Variants in FNDC3A observed in about 807,000 individuals in gnomAD.
FNDC3A encodes the protein fibronectin type-III domain-containing protein 3A.
Under a neutral mutation model 148.9 loss-of-function variants are expected in FNDC3A, and 32 were observed. That is an observed-to-expected ratio of 0.21 (90% CI 0.16 to 0.29). The LOEUF is 0.29. FNDC3A is among the 10% of genes least tolerant of loss of function. The pLI is 1.00. For missense variants in FNDC3A, 1,191 were observed against 1,452.8 expected, an observed-to-expected ratio of 0.82 and a Z score of 2.93; for synonymous variants, 472 against 473.6, an observed-to-expected ratio of 1.00 and a Z score of 0.04.
At chr13:49,065,320 C>G (rs1877192189) in intron 2 of FNDC3A, among the ~76,000 whole-genome samples, 1 of 152,130 alleles carries the variant, frequency 6.6e-6, no homozygotes, top group Admixed American at 6.6e-5. Flanking sequence ...GGCCCAGTAT[C>G]TAAGTGCTTA....
intron 19 of FNDC3A, among the ~76,000 whole-genome samples, chr13:49,194,356 A>G (rs1886044778): frequency 6.6e-6 from 1 of 152,224 alleles, no homozygotes; most frequent in African/African-American, 2.4e-5. Flanking sequence ...ACTATCTGCC[A>G]TAGTTCATTG....
At chr13:49,186,897 A>T (rs1234844125) in intron 15 of FNDC3A, among the ~76,000 whole-genome samples, 5 of 152,144 alleles carry the variant, frequency 3.3e-5, no homozygotes, top group Non-Finnish European at 7.4e-5. Flanking sequence ...AGTAAATGGA[A>T]TATCATGCAG....
intron 2 of FNDC3A, among the ~76,000 whole-genome samples, chr13:49,009,500 T>C (rs1236772304): frequency 6.6e-6 from 1 of 152,202 alleles, no homozygotes; most frequent in Non-Finnish European, 1.5e-5. Context: ...TGCTAGATTG[T>C]GCGGTAGGGC....
At chr13:49,064,354 T>G (rs1288564923) in intron 2 of FNDC3A, among the ~76,000 whole-genome samples, 1 of 149,026 alleles carries the variant, frequency 6.7e-6, no homozygotes, top group African/African-American at 2.5e-5. Context: ...AAAAAAGTAG[T>G]CTGTGGAAAA....
rs779997361 is a variant in FNDC3A at position 49,207,390 on chromosome 13, A to T, written c.3592A>T (p.Lys1198Ter). Residue 1198 changes from lysine (K) to a stop codon, truncating the protein, a stop_gained, in exon 26 of 26, where the codon AAG (lysine) becomes TAG (stop). Transcript: ENST00000492622. LOFTEE classifies it high-confidence loss of function. ...CTTTATCATTCAGTACTTTGTAATC[A>T]AGTGAAAATATAACTTTATTTTTTA... ...IAFIIQYFVI[K>*] 2 of 1,550,730 alleles carry T rather than the reference A, an allele frequency of 1.3e-6. No individual in the cohort carries two copies. Among genetic ancestry groups the T allele is most frequent in the Non-Finnish European group, 1.8e-6 (2 of 1,131,932 alleles).
At chr13:49,001,317 T>C (rs1303777026) in intron 1 of FNDC3A, among the ~76,000 whole-genome samples, 1 of 152,184 alleles carries the variant, frequency 6.6e-6, no homozygotes, top group Admixed American at 6.5e-5. Context: ...CCATCATCTT[T>C]GTAAGCTGAG....
intron 2 of FNDC3A, among the ~76,000 whole-genome samples, chr13:49,032,377 G>A (rs906135079): frequency 1.3e-5 from 2 of 152,264 alleles, no homozygotes; most frequent in African/African-American, 4.8e-5. Flanking sequence ...CACTCCAAAT[G>A]TCCATCAACA....
intron 3 of FNDC3A, among the ~76,000 whole-genome samples, chr13:49,112,402 A>G (rs138197832): frequency 2.6e-4 from 40 of 152,340 alleles, no homozygotes; most frequent in African/African-American, 7.7e-4. Flanking sequence ...TATAGGAGCT[A>G]AAAGGTGAGT....
At chr13:49,105,395 G>A (rs998789197) in intron 3 of FNDC3A, among the ~76,000 whole-genome samples, 1 of 152,228 alleles carries the variant, frequency 6.6e-6, no homozygotes, top group Non-Finnish European at 1.5e-5. Flanking sequence ...AGAGATAGCA[G>A]CAGTGTTCTG....
chr13:49,072,909 C>T (rs750227528), intron 2 of FNDC3A, among the ~76,000 whole-genome samples: 3 of 152,164 alleles, frequency 2.0e-5, no homozygotes, highest in Non-Finnish European at 4.4e-5. Flanking sequence ...TGTCTGCAAA[C>T]AAGGATAATT....
At chr13:49,203,388 A>G (rs1886507876) in intron 25 of FNDC3A, 104 bp downstream of exon 25, 2 of 771,646 alleles carry the variant, frequency 2.6e-6, no homozygotes, top group South Asian at 1.8e-5. Context: ...TAATTCATAA[A>G]TATTTATTCA....
chr13:48,982,530 C>T (rs1951711894), intron 1 of FNDC3A, among the ~76,000 whole-genome samples: 1 of 152,090 alleles, frequency 6.6e-6, no homozygotes, highest in South Asian at 2.1e-4. Flanking sequence ...GACAGAGTAG[C>T]CTTTGGGTAA....
chr13:49,082,552 T>G (rs2137798502), intron 3 of FNDC3A, among the ~76,000 whole-genome samples: 1 of 152,244 alleles, frequency 6.6e-6, no homozygotes, highest in Middle Eastern at 3.4e-3. Context: ...ATATTGAGAC[T>G]CCTCCTGTCC....
At chr13:49,099,253 T>C (rs933768511) in intron 3 of FNDC3A, among the ~76,000 whole-genome samples, 2 of 152,186 alleles carry the variant, frequency 1.3e-5, no homozygotes, top group African/African-American at 4.8e-5. Flanking sequence ...CTCTAGTAAG[T>C]AGCTCATCTG....
At chr13:49,170,041 A>G (rs1445087518) in intron 10 of FNDC3A, among the ~76,000 whole-genome samples, 4 of 152,178 alleles carry the variant, frequency 2.6e-5, no homozygotes, top group African/African-American at 7.2e-5. Flanking sequence ...TAATTAAAAT[A>G]GAATTTTGAA....
chr13:49,197,831 TA>T lies in FNDC3A; in HGVS notation c.2451del (p.Gly818AspfsTer15). ...CYCGPGLSYE[I>X]KGLSPATTYY... ...TGTGGGCCTGGTCTCAGTTATGAAA[TA>T]AAAGGACTTTCACCAGCAACTACCT... On this transcript the variant is annotated frameshift_variant, in exon 21 of 26. Coordinates refer to ENST00000492622, the MANE Select transcript of FNDC3A (RefSeq NM_001079673.2). LOFTEE classifies it high-confidence loss of function. The T allele has an allele frequency of 6.2e-7, 1 of 1,607,670 alleles. No homozygotes were observed. Among genetic ancestry groups the T allele is most frequent in the Admixed American group, 1.7e-5 (1 of 57,660 alleles).
At chr13:49,114,623 GGGTTAAT>G in intron 3 of FNDC3A, 25 bp from the exon 4 acceptor site, 1 of 1,462,696 alleles carries the variant, frequency 6.8e-7, no homozygotes, top group Non-Finnish European at 9.6e-7. Context: ...AAGCAATCAT[GGGTTAAT>G]ACATCATTTA....
chr13:49,208,686 T>C lies in FNDC3A; in HGVS notation c.*1291T>C, dbSNP rs980804928. ...TTGCCTAGATGTCGATGACTGCAAG[T>C]AATAATACAGTTTATAATGAAACTA... On this transcript the variant is annotated 3_prime_UTR_variant, in exon 26 of 26. Coordinates refer to ENST00000492622, the MANE Select transcript of FNDC3A (RefSeq NM_001079673.2). 3.3e-5 allele frequency: 5 copies of C among 152,688 alleles called. No individual in the cohort carries two copies. The highest frequency in any genetic ancestry group is 1.2e-4 in the African/African-American group (5 of 41,466). The allele number at this position is 152,688 out of a possible 1,614,324, so 9.5% of individuals were successfully genotyped here. A position where few individuals can be genotyped will look rare whatever the true frequency, so the allele number is the denominator to read the frequency against.
chr13:49,085,488 T>C (rs1243896882), intron 3 of FNDC3A, among the ~76,000 whole-genome samples: 2 of 152,190 alleles, frequency 1.3e-5, no homozygotes, highest in African/African-American at 4.8e-5. Context: ...TATCCTGGAA[T>C]CTCTGAGACA....
Sources: gnomAD v4.1 joint callset for allele counts (sites outside exome capture counted in the v4.1 genomes callset) on GRCh38, gnomAD v4.1.1 for gene constraint, MANE v1.5 for transcripts, NCBI Gene and HGNC (gene_info 2026-07-23, HGNC 2026-07-21) for gene names.